The following ZFAND3 variants were observed in gnomAD, a reference collection of about 807,000 sequenced individuals.
ZFAND3 encodes zinc finger AN1-type containing 3, also known as AN1-type zinc finger protein 3.
Under a neutral mutation model 29.6 loss-of-function variants are expected in ZFAND3, and 10 were observed. The observed-to-expected ratio is 0.34, with a 90% CI of 0.21 to 0.57. The LOEUF is 0.57. ZFAND3 is among the 20% of genes least tolerant of loss of function. ZFAND3 has a pLI of 0.86. For synonymous variants in ZFAND3, 128 were observed against 112.6 expected, an observed-to-expected ratio of 1.14 and a Z score of -0.87; for missense variants, 230 against 304.5, an observed-to-expected ratio of 0.76 and a Z score of 1.82.
intron 1 of ZFAND3, among the ~76,000 whole-genome samples, chr6:37,832,036 A>G (rs752178595): frequency 6.6e-6 from 1 of 152,206 alleles, no homozygotes; most frequent in Non-Finnish European, 1.5e-5. Context: ...TTTTTGGACC[A>G]TGGATCCCTT....
At chr6:37,839,834 T>A (rs905023039) in intron 1 of ZFAND3, among the ~76,000 whole-genome samples, 3 of 152,114 alleles carry the variant, frequency 2.0e-5, no homozygotes, top group African/African-American at 7.2e-5. Context: ...AATTTATGTA[T>A]TCTGGTTACT....
intron 4 of ZFAND3, among the ~76,000 whole-genome samples, chr6:38,109,528 C>T (rs1765274872): frequency 6.6e-6 from 1 of 151,924 alleles, no homozygotes; most frequent in Non-Finnish European, 1.5e-5. Context: ...GAGAGCTGTT[C>T]CCCCATGGCC....
chr6:37,878,146 A>G (rs1764827923), intron 1 of ZFAND3, among the ~76,000 whole-genome samples: 1 of 152,254 alleles, frequency 6.6e-6, no homozygotes, highest in Middle Eastern at 3.4e-3. Context: ...ACTGGAGGGA[A>G]AGTATGATCC....
rs1211410147 is a variant in ZFAND3 at position 38,153,619 on chromosome 6, C to G, written c.*1230C>G. ...GAGGGTACATTTCTCCACCTGTGCC[C>G]CCTCATGTTCACAGAGGATTTCAGC... On this transcript the variant is annotated 3_prime_UTR_variant, in exon 6 of 6. Coordinates refer to ENST00000287218, the MANE Select transcript of ZFAND3 (RefSeq NM_021943.3). 1 of 985,362 alleles carries G rather than the reference C, an allele frequency of 1.0e-6. No individual in the cohort carries two copies. Among genetic ancestry groups the G allele is most frequent in the Non-Finnish European group, 1.2e-6 (1 of 830,010 alleles). The allele number at this position is 985,362 out of a possible 1,614,324, so 61.0% of individuals were successfully genotyped here.
At chr6:38,039,961 T>A (rs1763729162) in intron 2 of ZFAND3, among the ~76,000 whole-genome samples, 1 of 152,204 alleles carries the variant, frequency 6.6e-6, no homozygotes, top group African/African-American at 2.4e-5. Context: ...ACAATATTAT[T>A]CTTCCTCATT....
intron 5 of ZFAND3, among the ~76,000 whole-genome samples, chr6:38,144,101 T>C (rs1766017655): frequency 6.7e-6 from 1 of 148,600 alleles, no homozygotes; most frequent in Non-Finnish European, 1.5e-5. Flanking sequence ...CAACGTGTAC[T>C]TACATATGAG....
chr6:38,152,668 T>C lies in ZFAND3; in HGVS notation c.*279T>C. Reference sequence around the variant, plus strand: ...TGGCTAGTGGATTTAAAACAACACATACCTGTCACTGCTGGAGTCAAACTT... The same window carrying C: ...TGGCTAGTGGATTTAAAACAACACACACCTGTCACTGCTGGAGTCAAACTT... On this transcript the variant is annotated 3_prime_UTR_variant, in exon 6 of 6. Transcript: ENST00000287218. 2 of 1,129,742 alleles carry C rather than the reference T, an allele frequency of 1.8e-6. No homozygotes were observed. Among genetic ancestry groups the C allele is most frequent in the Non-Finnish European group, 2.2e-6 (2 of 923,630 alleles). 70.0% of individuals were successfully genotyped at this position (1,129,742 alleles called of 1,614,324 possible). A position where few individuals can be genotyped will look rare whatever the true frequency, so the allele number is the denominator to read the frequency against.
chr6:37,879,977 A>G (rs754609691), intron 1 of ZFAND3, among the ~76,000 whole-genome samples: 9 of 152,208 alleles, frequency 5.9e-5, no homozygotes, highest in Admixed American at 1.3e-4. Flanking sequence ...GATGTTTTGT[A>G]TATTTGGCTT....
intron 2 of ZFAND3, among the ~76,000 whole-genome samples, chr6:37,935,872 T>A (rs1761688896): frequency 6.6e-6 from 1 of 152,172 alleles, no homozygotes; most frequent in South Asian, 2.1e-4. Flanking sequence ...GAAATGAAGC[T>A]TAAACTAGAC....
chr6:37,820,132 G>A (rs1763634777), intron 1 of ZFAND3, 116 bp downstream of exon 1: 2 of 735,448 alleles, frequency 2.7e-6, no homozygotes, highest in East Asian at 4.8e-5. Flanking sequence ...GGCCCAGCCC[G>A]GGCCTACGGG....
chr6:37,842,342 A>C (rs138971346), intron 1 of ZFAND3, among the ~76,000 whole-genome samples: 4,900 of 152,198 alleles, frequency 0.032, 91 homozygotes, highest in Middle Eastern at 0.041. Context: ...CCTATCAGGC[A>C]GCCATGGTCC....
intron 4 of ZFAND3, among the ~76,000 whole-genome samples, chr6:38,111,811 C>T (rs1249112483): frequency 6.6e-6 from 1 of 152,126 alleles, no homozygotes; most frequent in Non-Finnish European, 1.5e-5. Context: ...TGAAAATTTT[C>T]AGCTGTAACA....
chr6:38,076,241 A>T (rs1024133458), intron 3 of ZFAND3, among the ~76,000 whole-genome samples: 1 of 152,100 alleles, frequency 6.6e-6, no homozygotes, highest in Non-Finnish European at 1.5e-5. Context: ...AGGTATGTAC[A>T]TTGTTTCTTG....
At chr6:38,144,211 AATATATAATATATATATATATT>A (rs1766045670) in intron 5 of ZFAND3, among the ~76,000 whole-genome samples, 13 of 45,874 alleles carry the variant, frequency 2.8e-4, no homozygotes, top group South Asian at 6.0e-4. Context: ...ATATATATAT[AATATATAATATATATATATATT>A]TTTTTTTTAA....
At chr6:37,902,919 A>G (rs993346943) in intron 1 of ZFAND3, among the ~76,000 whole-genome samples, 2 of 151,758 alleles carry the variant, frequency 1.3e-5, no homozygotes, top group Non-Finnish European at 2.9e-5. Context: ...ACATTACCCT[A>G]TGTTGTTACT....
At chr6:38,016,056 C>T (rs1300363314) in intron 2 of ZFAND3, among the ~76,000 whole-genome samples, 2 of 152,168 alleles carry the variant, frequency 1.3e-5, no homozygotes, top group East Asian at 3.8e-4. Flanking sequence ...TAACATAGAA[C>T]AGCAGACTGT....
chr6:38,132,514 A>G lies in ZFAND3; in HGVS notation c.529+15775A>G, dbSNP rs1284164151. On this transcript the variant is annotated intron_variant, in intron 5 of 5. Transcript: ENST00000287218. ...AGAGTGAGACCCTGTCTCATAGAAA[A>G]CAAAATACATGGGTTCTTCGGAGGT... is the stretch of plus-strand genomic sequence containing the variant. Among the ~76,000 whole-genome samples, 2 of 152,188 alleles carry G rather than the reference A, an allele frequency of 1.3e-5. 1 individual carries two copies. Among genetic ancestry groups the G allele is most frequent in the Non-Finnish European group, 2.9e-5 (2 of 68,024 alleles).
intron 3 of ZFAND3, among the ~76,000 whole-genome samples, chr6:38,064,929 G>A (rs1357792318): frequency 6.6e-6 from 1 of 152,136 alleles, no homozygotes; most frequent in Non-Finnish European, 1.5e-5. Context: ...GGTTGAGTTG[G>A]AGCTCAGAGG....
intron 1 of ZFAND3, among the ~76,000 whole-genome samples, chr6:37,919,829 C>G (rs143556545): frequency 8.6e-4 from 131 of 152,284 alleles, no homozygotes; most frequent in Middle Eastern, 3.4e-3. Flanking sequence ...GTAACCATGA[C>G]AAAGTATCCA....
Sources: allele counts gnomAD v4.1 joint callset (sites outside exome capture counted in the v4.1 genomes callset), GRCh38; gene constraint gnomAD v4.1.1; transcripts MANE v1.5; gene names NCBI Gene and HGNC (gene_info 2026-07-23, HGNC 2026-07-21).